PLEKHA7: variants seen among roughly 807,000 people sequenced by gnomAD.
The protein encoded by PLEKHA7 is pleckstrin homology domain containing A7.
PLEKHA7 carries 104 observed loss-of-function variants against 170.0 expected under a neutral mutation model. The observed-to-expected ratio is 0.61, with a 90% CI of 0.52 to 0.72. The LOEUF is 0.72. Among genes scored for constraint, PLEKHA7 ranks in the 30% least tolerant of loss-of-function variants. The pLI is 0.00. For synonymous variants in PLEKHA7, 648 were observed against 660.8 expected (o/e 0.98, Z 0.30); for missense variants, 1,615 against 1,671.7 (o/e 0.97, Z 0.59).
rs1295449190 is a variant in PLEKHA7 at position 16,871,104 on chromosome 11, T to C, written c.300A>G (p.Gln100=). The change falls in exon 4 of 27, where the codon CAA becomes CAG. Residue 100 remains glutamine (Q), a synonymous_variant. Transcript: ENST00000531066. ...FSPENSEFIL[Q]EEPNPHMSKQ... ...GAATACATAAAAAGACTTACTCTTCTTGAAGAATGAATTCACTATTTTCTG... is the reference window on the plus strand; with the variant it reads ...GAATACATAAAAAGACTTACTCTTCCTGAAGAATGAATTCACTATTTTCTG... 1 of 1,591,438 alleles carries C rather than the reference T, an allele frequency of 6.3e-7. No individual in the cohort carries two copies. Among genetic ancestry groups the C allele is most frequent in the East Asian group, 2.2e-5 (1 of 44,738 alleles).
intron 3 of PLEKHA7, among the ~76,000 whole-genome samples, chr11:16,878,682 G>A (rs1160245730): frequency 2.0e-5 from 3 of 152,120 alleles, no homozygotes; most frequent in Admixed American, 6.6e-5. Flanking sequence ...TGCAACTTCC[G>A]CCTCCCAGGT....
At chr11:16,906,800 G>C (rs1194792735) in intron 3 of PLEKHA7, among the ~76,000 whole-genome samples, 1 of 137,838 alleles carries the variant, frequency 7.3e-6, no homozygotes, top group Non-Finnish European at 1.5e-5. Flanking sequence ...TCTGGGATGT[G>C]AGGAGCCTCT....
chr11:16,790,505 T>G, intron 21 of PLEKHA7: 2 of 318,334 alleles, frequency 6.3e-6, no homozygotes, highest in Non-Finnish European at 1.2e-5. Context: ...ACTTTCCTCA[T>G]AGGATTGTTG....
At position 16,816,915 on chromosome 11, in the gene PLEKHA7, G is replaced by C. The variant is rs770030420; in HGVS notation, c.1751C>G (p.Pro584Arg). Residue 584 changes from proline to arginine, a missense_variant, in exon 11 of 27, where the codon CCC becomes CGC. Transcript: ENST00000531066. ...PPPGPPRVFP[P>R]RRPHTPAERV... Reference sequence around the variant, plus strand: ...CTCTGCTGGTGTGTGTGGCCGCCGGGGTGGGAAGACCCTTGGGGGTCCTGG... The same window carrying C: ...CTCTGCTGGTGTGTGTGGCCGCCGGCGTGGGAAGACCCTTGGGGGTCCTGG... 1.9e-6 allele frequency: 3 copies of C among 1,614,030 alleles called. No individual in the cohort carries two copies. The highest frequency in any genetic ancestry group is 3.3e-5 in the Admixed American group (2 of 60,010).
At chr11:16,787,886 C>G (rs567034064) in intron 23 of PLEKHA7, 19 of 152,338 alleles carry the variant, frequency 1.2e-4, no homozygotes, top group African/African-American at 3.8e-4. Context: ...GGCCTTACCC[C>G]TTTGGTGTCT....
chr11:16,893,837 C>A (rs1856830592), intron 3 of PLEKHA7, among the ~76,000 whole-genome samples: 1 of 152,222 alleles, frequency 6.6e-6, no homozygotes, highest in African/African-American at 2.4e-5. Context: ...AGTTAAAGCA[C>A]AGTGTCTTTG....
intron 3 of PLEKHA7, among the ~76,000 whole-genome samples, chr11:16,962,617 T>G (rs1467722763): frequency 6.6e-6 from 1 of 152,158 alleles, no homozygotes; most frequent in African/African-American, 2.4e-5. Flanking sequence ...CATACCACCA[T>G]GCCCAGCTAA....
intron 3 of PLEKHA7, among the ~76,000 whole-genome samples, chr11:16,977,969 C>T (rs992173254): frequency 6.6e-6 from 1 of 152,160 alleles, no homozygotes; most frequent in African/African-American, 2.4e-5. Context: ...GGCTTTCCCT[C>T]CCCCTTTGCC....
intron 15 of PLEKHA7, 38 bp downstream of exon 15, chr11:16,802,934 C>T: frequency 6.6e-7 from 1 of 1,511,006 alleles, no homozygotes; most frequent in African/African-American, 1.4e-5. Flanking sequence ...CAAAATGTCC[C>T]TCTGCCCATT....
intron 4 of PLEKHA7, among the ~76,000 whole-genome samples, chr11:16,864,409 T>C (rs1432541469): frequency 2.0e-5 from 3 of 152,128 alleles, no homozygotes; most frequent in African/African-American, 4.8e-5. Context: ...TCCCAACTCT[T>C]ATTCTAGGAG....
At chr11:16,863,684 G>A (rs1854160192) in intron 4 of PLEKHA7, among the ~76,000 whole-genome samples, 1 of 151,838 alleles carries the variant, frequency 6.6e-6, no homozygotes, top group African/African-American at 2.4e-5. Context: ...TGGCTCCCTG[G>A]GCAGCCCAGC....
At chr11:16,892,880 T>C (rs1226247540) in intron 3 of PLEKHA7, among the ~76,000 whole-genome samples, 1 of 152,162 alleles carries the variant, frequency 6.6e-6, no homozygotes, top group Non-Finnish European at 1.5e-5. Context: ...ATGTCCAAGA[T>C]CAAGACGCCA....
At chr11:16,875,082 A>G (rs546980538) in intron 3 of PLEKHA7, among the ~76,000 whole-genome samples, 13 of 152,232 alleles carry the variant, frequency 8.5e-5, no homozygotes, top group Non-Finnish European at 1.8e-4. Context: ...CTGTCATTTG[A>G]TCAGACCTAG....
intron 3 of PLEKHA7, among the ~76,000 whole-genome samples, chr11:16,982,620 C>T (rs538019709): frequency 6.6e-5 from 10 of 152,220 alleles, no homozygotes; most frequent in Admixed American, 1.3e-4. Flanking sequence ...CCCGTGGTAC[C>T]GGAGCCCCAA....
At chr11:16,880,621 A>C (rs1271616690) in intron 3 of PLEKHA7, among the ~76,000 whole-genome samples, 1 of 152,182 alleles carries the variant, frequency 6.6e-6, no homozygotes, top group Non-Finnish European at 1.5e-5. Flanking sequence ...CCTCCTGTTT[A>C]AATTTCTATT....
chr11:16,807,641 G>A (rs1454844329), intron 13 of PLEKHA7, among the ~76,000 whole-genome samples: 1 of 152,144 alleles, frequency 6.6e-6, no homozygotes, highest in Non-Finnish European at 1.5e-5. Context: ...GTCGTGCCAT[G>A]CATTCATCTC....
intron 25 of PLEKHA7, 23 bp downstream of exon 25, chr11:16,783,677 C>T (rs1486104407): frequency 7.9e-6 from 11 of 1,394,118 alleles, no homozygotes; most frequent in Non-Finnish European, 1.0e-5. Context: ...GACCTGCCAA[C>T]ACTTGAGCAA....
chr11:16,845,047 G>A (rs1852278368), intron 8 of PLEKHA7, among the ~76,000 whole-genome samples: 1 of 152,166 alleles, frequency 6.6e-6, no homozygotes, highest in South Asian at 2.1e-4. Context: ...AGGATGCTGT[G>A]AGGAGAACAG....
intron 3 of PLEKHA7, among the ~76,000 whole-genome samples, chr11:16,977,008 C>A (rs1197439762): frequency 1.3e-5 from 2 of 152,190 alleles, no homozygotes; most frequent in Non-Finnish European, 2.9e-5. Context: ...ACCACACTGT[C>A]CAAGTCAAGA....
Sources: allele counts gnomAD v4.1 joint callset (sites outside exome capture counted in the v4.1 genomes callset), GRCh38; gene constraint gnomAD v4.1.1; transcripts MANE v1.5; gene names NCBI Gene and HGNC (gene_info 2026-07-23, HGNC 2026-07-21).